DMD: variants seen among roughly 807,000 people sequenced by gnomAD.
DMD encodes dystrophin.
Under a neutral mutation model 330.1 loss-of-function variants are expected in DMD, and 63 were observed. That is an observed-to-expected ratio of 0.19 (90% CI 0.16 to 0.24). DMD has a LOEUF of 0.24. DMD is among the 10% of genes least tolerant of loss of function. The pLI, the probability that DMD is intolerant of heterozygous loss-of-function variation, is 1.00. For synonymous variants in DMD, 1,223 were observed against 959.8 expected (o/e 1.27, Z -5.07); for missense variants, 3,344 against 2,684.1 (o/e 1.25, Z -5.43).
At chrX:32,187,066 A>G (rs73458030) in intron 44 of DMD, among the ~76,000 whole-genome samples, 2,383 of 110,551 alleles carry the variant, frequency 0.022, 73 homozygotes, top group African/African-American at 0.073. Flanking sequence ...TGACCAAAGC[A>G]TAAGGGGCCA....
At chrX:31,472,472 T>C (rs1027195975) in intron 59 of DMD, among the ~76,000 whole-genome samples, 4 of 112,419 alleles carry the variant, frequency 3.6e-5, no homozygotes, top group Non-Finnish European at 1.9e-5. Context: ...ATGAACATGG[T>C]TGCAAGTATC....
intron 2 of DMD, among the ~76,000 whole-genome samples, chrX:32,878,037 A>T (rs1256550869): frequency 8.9e-6 from 1 of 112,267 alleles, no homozygotes; most frequent in African/African-American, 3.2e-5. Flanking sequence ...AAACATAAGC[A>T]TTCCTCTAAT....
intron 2 of DMD, among the ~76,000 whole-genome samples, chrX:32,873,918 A>C (rs754347671): frequency 3.3e-4 from 37 of 112,322 alleles, no homozygotes; most frequent in African/African-American, 1.2e-3. Context: ...TGAATAATGA[A>C]ACATCCCTTA....
intron 2 of DMD, chrX:32,960,149 A>T (rs2091822389): frequency 8.9e-6 from 1 of 112,148 alleles, no homozygotes; most frequent in South Asian, 3.7e-4. Context: ...GCAAGTCTCA[A>T]CCGATGATTT....
chrX:33,031,863 C>T (rs1319739650), intron 1 of DMD, among the ~76,000 whole-genome samples: 4 of 111,646 alleles, frequency 3.6e-5, no homozygotes, highest in Admixed American at 9.5e-5. Context: ...AGGAAATAAT[C>T]GTGGTAAAAA....
At chrX:31,938,253 T>C (rs977913646) in intron 45 of DMD, among the ~76,000 whole-genome samples, 5 of 111,421 alleles carry the variant, frequency 4.5e-5, no homozygotes, top group Non-Finnish European at 9.4e-5. Context: ...TTGCCTTTTA[T>C]ATGCTTTCAA....
intron 51 of DMD, among the ~76,000 whole-genome samples, chrX:31,760,984 G>A (rs890377221): frequency 2.3e-5 from 2 of 87,161 alleles, no homozygotes; most frequent in African/African-American, 4.7e-5. Context: ...TTGCTCTGTC[G>A]CCCAGGCTGG....
intron 45 of DMD, among the ~76,000 whole-genome samples, chrX:31,959,715 T>G (rs900180782): frequency 9.1e-6 from 1 of 109,611 alleles, no homozygotes; most frequent in Non-Finnish European, 1.9e-5. Flanking sequence ...ATTCTATCCC[T>G]CATACCCAAT....
chrX:32,851,369 A>G (rs1307389390), intron 2 of DMD, among the ~76,000 whole-genome samples: 2 of 112,254 alleles, frequency 1.8e-5, no homozygotes, highest in Non-Finnish European at 3.8e-5. Flanking sequence ...TTCTTTTGAA[A>G]TTCTACTCAA....
At chrX:31,908,000 C>G in intron 47 of DMD, among the ~76,000 whole-genome samples, 1 of 112,176 alleles carries the variant, frequency 8.9e-6, no homozygotes. Flanking sequence ...AAATGCAAAT[C>G]AAAACCACAA....
Position 32,426,281 on chromosome X carries a change from T to C in DMD, c.4071+11960A>G, listed in dbSNP as rs186314313. Reference sequence around the variant, plus strand: ...AGAATCTCTAAGTAACTTAAACAAATTTATTTTAAAAACTCTACTCCATTA... The same window carrying C: ...AGAATCTCTAAGTAACTTAAACAAACTTATTTTAAAAACTCTACTCCATTA... On this transcript the variant is annotated intron_variant, in intron 29 of 78. Coordinates refer to ENST00000357033, the MANE Select transcript of DMD (RefSeq NM_004006.3). 2.0e-4 allele frequency among the ~76,000 whole-genome samples: 22 copies of C among 111,642 alleles called. No homozygotes were observed. In the East Asian group the frequency reaches 6.2e-3, roughly 31 times the overall value.
chrX:33,093,932 G>A (rs1326379983), intron 1 of DMD, among the ~76,000 whole-genome samples: 1 of 111,378 alleles, frequency 9.0e-6, no homozygotes, highest in Admixed American at 9.6e-5. Context: ...ATACTATGTT[G>A]ATTTTTTATG....
intron 6 of DMD, among the ~76,000 whole-genome samples, chrX:32,813,238 T>A (rs781753061): frequency 8.9e-6 from 1 of 112,197 alleles, no homozygotes; most frequent in Non-Finnish European, 1.9e-5. Flanking sequence ...ATTAACATTT[T>A]AAATATCTAT....
intron 34 of DMD, among the ~76,000 whole-genome samples, chrX:32,365,556 A>G (rs899972073): frequency 1.8e-5 from 2 of 111,631 alleles, no homozygotes; most frequent in African/African-American, 6.5e-5. Flanking sequence ...AAAATTCTAC[A>G]GTATGGTGCT....
At chrX:33,285,763 A>C (rs1310097200) in intron 1 of DMD, among the ~76,000 whole-genome samples, 1 of 112,130 alleles carries the variant, frequency 8.9e-6, no homozygotes, top group Admixed American at 9.5e-5. Context: ...AGACTCATAA[A>C]ATGAGAATTT....
At position 31,216,456 on chromosome X, in the gene DMD, T is replaced by C. The variant is rs763941105; in HGVS notation, c.9361+6591A>G. 5.3e-5 allele frequency among the ~76,000 whole-genome samples: 6 copies of C among 112,540 alleles called. 1 individual carries two copies. Among genetic ancestry groups the C allele is most frequent in the African/African-American group, 1.6e-4 (5 of 30,976 alleles). On this transcript the variant is annotated intron_variant, in intron 64 of 78. Coordinates refer to ENST00000357033, the MANE Select transcript of DMD (RefSeq NM_004006.3). Reference sequence around the variant, plus strand: ...AAACCATATAAACTGAGAAAATTAGTTTGGCCATGTCCTCAAGACGTCTTA... The same window carrying C: ...AAACCATATAAACTGAGAAAATTAGCTTGGCCATGTCCTCAAGACGTCTTA...
At chrX:32,532,671 C>A (rs1303445781) in intron 17 of DMD, among the ~76,000 whole-genome samples, 1 of 112,423 alleles carries the variant, frequency 8.9e-6, no homozygotes, top group Non-Finnish European at 1.9e-5. Context: ...TTATTAATAT[C>A]TTCCATGATC....
chrX:32,736,388 G>C (rs752385419), intron 7 of DMD, among the ~76,000 whole-genome samples: 1,409 of 111,083 alleles, frequency 0.013, 23 homozygotes, highest in African/African-American at 0.036. Context: ...ACTAGAAATC[G>C]CATTTGACCC....
chrX:31,468,921 CA>C (rs1240329256), intron 59 of DMD, among the ~76,000 whole-genome samples: 1 of 111,418 alleles, frequency 9.0e-6, no homozygotes, highest in Admixed American at 9.5e-5. Flanking sequence ...TATGTAATAC[CA>C]TTTTTTTTGT....
Sources: allele counts gnomAD v4.1 joint callset (sites outside exome capture counted in the v4.1 genomes callset), GRCh38; gene constraint gnomAD v4.1.1; transcripts MANE v1.5; gene names NCBI Gene and HGNC (gene_info 2026-07-23, HGNC 2026-07-21).